Variants in MICAL3 observed in about 807,000 individuals in gnomAD.
MICAL3 encodes the protein [F-actin]-monooxygenase MICAL3.
In MICAL3, 62 loss-of-function variants were observed where a neutral mutation model predicts 207.4. That is an observed-to-expected ratio of 0.30 (90% confidence interval 0.24 to 0.37). MICAL3 has a LOEUF of 0.37. Ranked by LOEUF, MICAL3 falls within the 10% of genes least tolerant of loss-of-function variation. MICAL3 has a pLI of 1.00. For synonymous variants in MICAL3, 1,077 were observed against 1,069.3 expected, an observed-to-expected ratio of 1.01 and a Z score of -0.14; for missense variants, 2,368 against 2,635.6, an observed-to-expected ratio of 0.90 and a Z score of 2.22.
rs942341003 is a variant in MICAL3 at position 17,841,401 on chromosome 22, C to T, written c.2801+421G>A. On this transcript the variant is annotated intron_variant, in intron 20 of 31. Transcript: ENST00000441493. This position sits in a 1 kb window ranked among gnomAD's most constrained non-coding sequence, Gnocchi z 4.2. The stretch of plus-strand genomic sequence containing the variant: ...CACACATTTTCAGTCCCTTTCTTTA[C>T]CTACAGGAGAAAAAAAGATGCCTGG... 2 of 311,834 alleles carry T rather than the reference C, an allele frequency of 6.4e-6. No individual in the cohort carries two copies. The highest frequency in any genetic ancestry group is 1.2e-5 in the Non-Finnish European group (2 of 167,266). 19.3% of individuals were successfully genotyped at this position (311,834 alleles called of 1,614,324 possible). A position where few individuals can be genotyped will look rare whatever the true frequency, so the allele number is the denominator to read the frequency against.
chr22:17,993,799 G>A (rs1428987056), intron 1 of MICAL3, among the ~76,000 whole-genome samples: 1 of 151,754 alleles, frequency 6.6e-6, no homozygotes, highest in East Asian at 1.9e-4. Context: ...AGTGAAGAGA[G>A]GGAAATATGG....
chr22:17,961,048 G>C (rs960515398), intron 1 of MICAL3, among the ~76,000 whole-genome samples: 1 of 152,130 alleles, frequency 6.6e-6, no homozygotes, highest in Non-Finnish European at 1.5e-5. Context: ...TGTGTTACCA[G>C]GGGCTCCTGG....
chr22:17,980,777 G>A lies in MICAL3; in HGVS notation c.-75+43504C>T, dbSNP rs191084356. 34 of 464,458 alleles carry A rather than the reference G, an allele frequency of 7.3e-5. No homozygotes were observed. In the East Asian group the frequency reaches 1.2e-3, roughly 16 times the overall value. 28.8% of individuals were successfully genotyped at this position (464,458 alleles called of 1,614,324 possible). On this transcript the variant is annotated intron_variant, in intron 1 of 31. Coordinates refer to ENST00000441493, the MANE Select transcript of MICAL3 (RefSeq NM_015241.3). ...CATTCCGCCCGTCTTATCATTCCGCGGCAGCAAACCAGCTGCCCGTCTGCT... is the reference window on the plus strand; with the variant it reads ...CATTCCGCCCGTCTTATCATTCCGCAGCAGCAAACCAGCTGCCCGTCTGCT...
intron 1 of MICAL3, among the ~76,000 whole-genome samples, chr22:17,919,934 C>T (rs1932760030): frequency 1.3e-5 from 2 of 152,366 alleles, no homozygotes; most frequent in East Asian, 1.9e-4. Context: ...TATGCAACAG[C>T]CCCAGCCCAC....
chr22:17,898,412 T>C (rs1056559058), intron 7 of MICAL3, among the ~76,000 whole-genome samples: 10 of 152,214 alleles, frequency 6.6e-5, no homozygotes, highest in Non-Finnish European at 1.5e-4. Context: ...GCACACAGGG[T>C]GGCTGTGCTG....
At chr22:17,865,480 C>CAG (rs1297828605) in intron 18 of MICAL3, among the ~76,000 whole-genome samples, 1 of 152,214 alleles carries the variant, frequency 6.6e-6, no homozygotes, top group Non-Finnish European at 1.5e-5. Context: ...AAAGGCCCCG[C>CAG]AGGCAGGGCG....
chr22:17,887,339 C>T lies in MICAL3; in HGVS notation c.1988G>A (p.Arg663Gln), dbSNP rs754682440. The T allele has an allele frequency of 5.6e-6, 9 of 1,613,678 alleles. No individual in the cohort carries two copies. The highest frequency in any genetic ancestry group is 2.7e-5 in the African/African-American group (2 of 74,910). The change falls in exon 14 of 32, where the codon CGG becomes CAG. Residue 663 changes from arginine (R) to glutamine (Q), a missense_variant. By Grantham distance (43) the Arg-to-Gln change is conservative (BLOSUM62 1). Transcript: ENST00000441493. ...FLSKLGQTIS[R>Q]KRSPKDKKEK... ...TCCACATACCTTGGGAGAACGCTTC[C>T]GAGAGATGGTCTGGCCAAGTTTGCT...
At chr22:17,801,214 G>A (rs1333806345) in intron 29 of MICAL3, among the ~76,000 whole-genome samples, 4 of 50,416 alleles carry the variant, frequency 7.9e-5, no homozygotes, top group Admixed American at 6.4e-4. Flanking sequence ...GTGCAGTGGC[G>A]GGATCTCGGC....
chr22:17,971,418 G>A (rs991641461), intron 1 of MICAL3, among the ~76,000 whole-genome samples: 1 of 152,052 alleles, frequency 6.6e-6, no homozygotes, highest in Non-Finnish European at 1.5e-5. Flanking sequence ...GGGAGGCGGA[G>A]GTTGCAGTGA....
At chr22:17,886,742 T>C (rs1418536814) in intron 15 of MICAL3, among the ~76,000 whole-genome samples, 2 of 150,480 alleles carry the variant, frequency 1.3e-5, no homozygotes, top group Non-Finnish European at 3.0e-5. Context: ...GAGGTGCAGG[T>C]TGCAGTGAGC....
At position 17,919,236 on chromosome 22, in the gene MICAL3, T is replaced by C. The variant is rs529908207; in HGVS notation, c.-74-12350A>G. ...CACACCACCAAGCATAGCTAATTGT[T>C]TTTTACTTGTAGAGATAGGGCCTAT... On this transcript the variant is annotated intron_variant, in intron 1 of 31. Transcript: ENST00000441493. Among the ~76,000 whole-genome samples, 52 of 152,224 alleles carry C rather than the reference T, an allele frequency of 3.4e-4. No homozygotes were observed. In the South Asian group the frequency reaches 0.01, roughly 30 times the overall value.
intron 19 of MICAL3, among the ~76,000 whole-genome samples, chr22:17,853,954 G>A (rs140254332): frequency 1.3e-5 from 2 of 152,328 alleles, no homozygotes; most frequent in African/African-American, 4.8e-5. Context: ...GTGTGTTCAC[G>A]GTTTTGTGGG....
rs567839167 is a variant in MICAL3 at position 17,974,993 on chromosome 22, A to G, written c.-75+49288T>C. Among the ~76,000 whole-genome samples, 32 of 152,338 alleles carry G rather than the reference A, an allele frequency of 2.1e-4. 1 individual carries two copies. In the South Asian group the frequency reaches 5.2e-3, roughly 25 times the overall value. On this transcript the variant is annotated intron_variant, in intron 1 of 31. Coordinates refer to ENST00000441493, the MANE Select transcript of MICAL3 (RefSeq NM_015241.3). ...CTGGGCCCAGGCAGCTGGACTCTGG[A>G]GCCCCAGCATGGACCACATCACACC...
At chr22:17,827,565 G>A (rs1208633510) in intron 22 of MICAL3, 79 bp downstream of exon 22, 15 of 1,458,954 alleles carry the variant, frequency 1.0e-5, no homozygotes, top group East Asian at 2.5e-5. Context: ...TGCCCTGACA[G>A]AAAGGCCCCC....
At chr22:17,834,885 G>C (rs1923199458) in intron 20 of MICAL3, among the ~76,000 whole-genome samples, 1 of 152,248 alleles carries the variant, frequency 6.6e-6, no homozygotes, top group South Asian at 2.1e-4. Context: ...GGCTAAGGAT[G>C]CATCTATGCT....
At chr22:17,798,831 A>G (rs13057043) in intron 29 of MICAL3, among the ~76,000 whole-genome samples, 11 of 151,322 alleles carry the variant, frequency 7.3e-5, no homozygotes, top group East Asian at 2.0e-4. Flanking sequence ...CCGCCACCAC[A>G]CCCGGCTAAT....
chr22:17,881,661 C>CCTCT (rs1245298716), intron 16 of MICAL3, among the ~76,000 whole-genome samples: 2 of 152,260 alleles, frequency 1.3e-5, no homozygotes, highest in East Asian at 3.9e-4. Flanking sequence ...ACAGAGACCC[C>CCTCT]CTCTCAAGGG....
chr22:17,885,625 A>AT (rs3214736), intron 16 of MICAL3, among the ~76,000 whole-genome samples: 8 of 151,956 alleles, frequency 5.3e-5, no homozygotes, highest in Non-Finnish European at 1.2e-4. Flanking sequence ...ATGAATACAG[A>AT]TTTTTTTTAG....
intron 29 of MICAL3, among the ~76,000 whole-genome samples, chr22:17,806,485 A>G (rs2061990894): frequency 6.6e-6 from 1 of 151,786 alleles, no homozygotes; most frequent in South Asian, 2.1e-4. Flanking sequence ...GCCTCATTTT[A>G]AACTTCTAGT....
Sources: gnomAD v4.1 joint callset for allele counts (sites outside exome capture counted in the v4.1 genomes callset) on GRCh38, gnomAD v4.1.1 for gene constraint, Gnocchi (gnomAD v3.1) non-coding constraint, MANE v1.5 for transcripts, NCBI Gene and HGNC (gene_info 2026-07-23, HGNC 2026-07-21) for gene names.